NR6A1: variants seen among roughly 807,000 people sequenced by gnomAD.
NR6A1 encodes the protein nuclear receptor subfamily 6 group A member 1.
In NR6A1, 7 loss-of-function variants were observed where a neutral mutation model predicts 59.1. That is an observed-to-expected ratio of 0.12 (90% CI 0.07 to 0.22). The LOEUF is 0.22. Among genes scored for constraint, NR6A1 ranks in the 10% least tolerant of loss-of-function variants. The probability of loss-of-function intolerance (pLI) is 1.00; values close to 1 mark genes in which losing one functional copy is unlikely to be tolerated. For missense variants in NR6A1, 468 were observed against 611.6 expected (o/e 0.77, Z 2.48); for synonymous variants, 243 against 236.1 (o/e 1.03, Z -0.27).
intron 2 of NR6A1, among the ~76,000 whole-genome samples, chr9:124,593,170 A>C (rs1437138650): frequency 2.6e-5 from 4 of 152,220 alleles, no homozygotes; most frequent in Admixed American, 2.6e-4. Context: ...TGCATTTAAA[A>C]ATCAAATCTA....
intron 1 of NR6A1, among the ~76,000 whole-genome samples, chr9:124,758,462 G>A (rs371801776): frequency 6.6e-6 from 1 of 152,252 alleles, no homozygotes; most frequent in East Asian, 1.9e-4. Flanking sequence ...CCATTACAAG[G>A]AATGAGGAAA....
chr9:124,555,978 G>A (rs1179088305), intron 2 of NR6A1, among the ~76,000 whole-genome samples: 1 of 152,208 alleles, frequency 6.6e-6, no homozygotes, highest in African/African-American at 2.4e-5. Context: ...ATATACAGGA[G>A]GGATGCAGAG....
rs148920550 is a variant in NR6A1 at position 124,697,382 on chromosome 9, C to G, written c.142+35926G>C. ...AATAGCTAATTGCAAGTGTGAAGAG[C>G]TCTGCAGAAGATAAAAGTAAGGTAC... On this transcript the variant is annotated intron_variant, in intron 2 of 9. Transcript: ENST00000487099. Among the ~76,000 whole-genome samples, 841 of 151,992 alleles carry G rather than the reference C, an allele frequency of 5.5e-3. 7 individuals are homozygous for G. Among genetic ancestry groups the G allele is most frequent in the African/African-American group, 0.019 (799 of 41,442 alleles).
intron 2 of NR6A1, among the ~76,000 whole-genome samples, chr9:124,573,461 T>G (rs1180328555): frequency 6.6e-6 from 1 of 152,186 alleles, no homozygotes; most frequent in Non-Finnish European, 1.5e-5. Flanking sequence ...TAGACCTAAC[T>G]CCGCTCTCTG....
At chr9:124,681,776 T>C (rs1838168380) in intron 2 of NR6A1, among the ~76,000 whole-genome samples, 1 of 152,206 alleles carries the variant, frequency 6.6e-6, no homozygotes, top group Non-Finnish European at 1.5e-5. Flanking sequence ...TTTGATATTA[T>C]GAAATGTGTC....
intron 2 of NR6A1, chr9:124,599,184 T>C (rs943577739): frequency 2.6e-5 from 14 of 539,432 alleles, no homozygotes; most frequent in African/African-American, 2.5e-4. Flanking sequence ...GGCTCACTCC[T>C]GTAATCCCAG....
chr9:124,760,829 T>C (rs1840768497), intron 1 of NR6A1, among the ~76,000 whole-genome samples: 1 of 152,252 alleles, frequency 6.6e-6, no homozygotes. Context: ...GTGATCTTTG[T>C]TAGGCCACAC....
intron 2 of NR6A1, among the ~76,000 whole-genome samples, chr9:124,562,459 G>A (rs928769545): frequency 7.9e-5 from 12 of 151,338 alleles, no homozygotes; most frequent in Non-Finnish European, 1.5e-4. Context: ...TCATTATGTC[G>A]CCTAGGCTGG....
chr9:124,567,330 A>T (rs138194590), intron 2 of NR6A1, among the ~76,000 whole-genome samples: 124 of 152,190 alleles, frequency 8.1e-4, no homozygotes, highest in Non-Finnish European at 1.5e-3. Context: ...TAAAACAGAG[A>T]GGGGAAGCTG....
intron 2 of NR6A1, among the ~76,000 whole-genome samples, chr9:124,628,947 A>T (rs1295413055): frequency 6.6e-6 from 1 of 152,218 alleles, no homozygotes; most frequent in Admixed American, 6.5e-5. Flanking sequence ...GGCGCGAGCC[A>T]CCGCCCCCGG....
intron 1 of NR6A1, among the ~76,000 whole-genome samples, chr9:124,747,557 G>A (rs1468055933): frequency 2.0e-5 from 3 of 152,116 alleles, no homozygotes; most frequent in African/African-American, 7.2e-5. Flanking sequence ...CTATCCAAAT[G>A]TCTATTGTCA....
chr9:124,634,256 A>C (rs1402834626), intron 2 of NR6A1, among the ~76,000 whole-genome samples: 1 of 152,232 alleles, frequency 6.6e-6, no homozygotes, highest in East Asian at 1.9e-4. Context: ...CAACTTTGTT[A>C]AATGTCAGGT....
chr9:124,643,575 C>G (rs928173617), intron 2 of NR6A1, among the ~76,000 whole-genome samples: 7 of 150,104 alleles, frequency 4.7e-5, no homozygotes, highest in African/African-American at 1.5e-4. Flanking sequence ...GCATGCTAGC[C>G]TGGCAACAGA....
chr9:124,594,684 A>G (rs1564194316), intron 2 of NR6A1, among the ~76,000 whole-genome samples: 1 of 152,222 alleles, frequency 6.6e-6, no homozygotes, highest in South Asian at 2.1e-4. Context: ...TGCACTAAAA[A>G]CCAATAATTC....
At chr9:124,585,202 G>A (rs1834884597) in intron 2 of NR6A1, among the ~76,000 whole-genome samples, 1 of 152,150 alleles carries the variant, frequency 6.6e-6, no homozygotes, top group African/African-American at 2.4e-5. Flanking sequence ...GCTAGCAGAG[G>A]TTGGCTCACG....
At chr9:124,601,447 C>G (rs1045656662) in intron 2 of NR6A1, among the ~76,000 whole-genome samples, 47 of 150,180 alleles carry the variant, frequency 3.1e-4, no homozygotes, top group Admixed American at 7.9e-4. Flanking sequence ...AGCCGGGCGT[C>G]ATGGCGGGCG....
At chr9:124,727,337 T>C (rs1037912282) in intron 2 of NR6A1, among the ~76,000 whole-genome samples, 4 of 152,240 alleles carry the variant, frequency 2.6e-5, no homozygotes, top group African/African-American at 9.6e-5. Flanking sequence ...TTTTTTGCCA[T>C]GTGATGAAGA....
chr9:124,542,710 T>G (rs572841316), intron 4 of NR6A1, among the ~76,000 whole-genome samples: 7 of 152,312 alleles, frequency 4.6e-5, no homozygotes, highest in Non-Finnish European at 7.3e-5. Context: ...AATAATAGTT[T>G]TTTAAAATTT....
At position 124,601,626 on chromosome 9, in the gene NR6A1, A is replaced by G. The variant is rs138107928; in HGVS notation, c.143-47056T>C. 8.0e-3 allele frequency among the ~76,000 whole-genome samples: 1,200 copies of G among 150,008 alleles called. 5 individuals carry two copies. Among genetic ancestry groups the G allele is most frequent in the Middle Eastern group, 0.017 (5 of 288 alleles). On this transcript the variant is annotated intron_variant, in intron 2 of 9. Coordinates refer to ENST00000487099, the MANE Select transcript of NR6A1 (RefSeq NM_033334.4). ...AAAGAAAAAAGAAAAGAAAAGAAAA[A>G]AAAAGACTATATATAGACTATATAT...
Sources: allele counts gnomAD v4.1 joint callset (sites outside exome capture counted in the v4.1 genomes callset), GRCh38; gene constraint gnomAD v4.1.1; transcripts MANE v1.5; gene names NCBI Gene and HGNC (gene_info 2026-07-23, HGNC 2026-07-21).